The following SEMA3B variants were observed in gnomAD, a reference collection of about 807,000 sequenced individuals.
The protein encoded by SEMA3B is semaphorin 3B.
In SEMA3B, 71 loss-of-function variants were observed where a neutral mutation model predicts 77.8. That is an observed-to-expected ratio of 0.91 (90% CI 0.75 to 1.11). The LOEUF (loss-of-function observed/expected upper bound fraction) is 1.11. Ranked by LOEUF, SEMA3B falls within the 50% of genes most tolerant of loss-of-function variation. The pLI, the probability that SEMA3B is intolerant of heterozygous loss-of-function variation, is 0.00. For missense variants in SEMA3B, 968 were observed against 1,056.8 expected (o/e 0.92, Z 1.17); for synonymous variants, 470 against 452.9 (o/e 1.04, Z -0.48).
Position 50,273,746 on chromosome 3 carries a change from C to T in SEMA3B, c.923-13C>T. The T allele has an allele frequency of 6.2e-7, 1 of 1,604,362 alleles. No homozygotes were observed. On this transcript the variant is annotated splice_polypyrimidine_tract_variant and intron_variant, in intron 8 of 16. Transcript: ENST00000616701. The surrounding 1 kb of genome is among the most constrained non-coding windows in gnomAD (Gnocchi z 6.5). ...GCTGTGCGCCCTACCCCAGCTAGGCCCCTTCCCCGCAGAGGATGTGTTTCT... is the reference window on the plus strand; with the variant it reads ...GCTGTGCGCCCTACCCCAGCTAGGCTCCTTCCCCGCAGAGGATGTGTTTCT...
Position 50,276,041 on chromosome 3 carries a change from AAGG to A in SEMA3B, c.1845+200_1845+202del, listed in dbSNP as rs1408925578. On this transcript the variant is annotated intron_variant, in intron 16 of 16. Coordinates refer to ENST00000616701, the MANE Select transcript of SEMA3B (RefSeq NM_001290060.2). The surrounding 1 kb of genome is among the most constrained non-coding windows in gnomAD (Gnocchi z 5.8). ...GCTCCCGACCCGCCTCCCCTGAATC[AAGG>A]AGAAGACCCGCCCTCGACCCTCCCA... is the stretch of plus-strand genomic sequence containing the variant. 31 of 859,812 alleles carry A rather than the reference AAGG, an allele frequency of 3.6e-5. No homozygotes were observed. The highest frequency in any genetic ancestry group is 4.8e-5 in the Non-Finnish European group (28 of 580,776). The allele number at this position is 859,812 out of a possible 1,614,324, so 53.3% of individuals were successfully genotyped here. A position where few individuals can be genotyped will look rare whatever the true frequency, so the allele number is the denominator to read the frequency against.
chr3:50,266,309 A>G (rs147183345), upstream of SEMA3B, among the ~76,000 whole-genome samples: 798 of 152,252 alleles, frequency 5.2e-3, 8 homozygotes, highest in African/African-American at 0.018. Context: ...GGAAAAGGCC[A>G]CATCCAGGAA....
In SEMA3B at chr3:50,274,245, C is replaced by T; in HGVS notation, c.1138-118C>T. The T allele has an allele frequency of 1.6e-6, 2 of 1,239,924 alleles. No homozygotes were observed. The highest frequency in any genetic ancestry group is 3.0e-5 in the South Asian group (2 of 66,306). The allele number at this position is 1,239,924 out of a possible 1,614,324, so 76.8% of individuals were successfully genotyped here. A position where few individuals can be genotyped will look rare whatever the true frequency, so the allele number is the denominator to read the frequency against. Reference sequence around the variant, plus strand: ...GGCAAGGCTGATCTCCTCTCTAATTCTCAGGGCAGGGTTCTGTCCCCATCC... The same window carrying T: ...GGCAAGGCTGATCTCCTCTCTAATTTTCAGGGCAGGGTTCTGTCCCCATCC... On this transcript the variant is annotated intron_variant, in intron 10 of 16. Transcript: ENST00000616701. The surrounding 1 kb of genome is among the most constrained non-coding windows in gnomAD (Gnocchi z 4.7).
In SEMA3B at chr3:50,274,741, C is replaced by T; in HGVS notation, c.1358-102C>T. 1 of 1,446,294 alleles carries T rather than the reference C, an allele frequency of 6.9e-7. No individual in the cohort carries two copies. The highest frequency in any genetic ancestry group is 9.5e-7 in the Non-Finnish European group (1 of 1,054,026). The allele number at this position is 1,446,294 out of a possible 1,614,324, so 89.6% of individuals were successfully genotyped here. A position where few individuals can be genotyped will look rare whatever the true frequency, so the allele number is the denominator to read the frequency against. ...CCACACTCTTCCAGTCCACACTCTTCACAACCCAAACATGCTGAGGGTAGA... is the reference window on the plus strand; with the variant it reads ...CCACACTCTTCCAGTCCACACTCTTTACAACCCAAACATGCTGAGGGTAGA... On this transcript the variant is annotated intron_variant, in intron 11 of 16. Transcript: ENST00000616701. This position sits in a 1 kb window ranked among gnomAD's most constrained non-coding sequence, Gnocchi z 4.7.
At position 50,275,824 on chromosome 3, in the gene SEMA3B, G is replaced by T. The variant is rs1553706555; in HGVS notation, c.1825G>T (p.Gly609Trp). ...ARVEWTFQRA[G>W]VTAHTQVLAE... Reference sequence around the variant, plus strand: ...CGTGGAGTGGACTTTCCAGCGCGCAGGGGTGACAGCCCACACCCAGGTGAG... The same window carrying T: ...CGTGGAGTGGACTTTCCAGCGCGCATGGGTGACAGCCCACACCCAGGTGAG... The change falls in exon 16 of 17, where the codon GGG becomes TGG. Residue 609 changes from glycine to tryptophan, a missense_variant. By Grantham distance (184) the Gly-to-Trp change is radical (BLOSUM62 -2). Coordinates refer to ENST00000616701, the MANE Select transcript of SEMA3B (RefSeq NM_001290060.2). The surrounding 1 kb of genome is among the most constrained non-coding windows in gnomAD (Gnocchi z 7.5). 1.9e-6 allele frequency: 3 copies of T among 1,607,060 alleles called. No homozygotes were observed. The highest frequency in any genetic ancestry group is 2.5e-6 in the Non-Finnish European group (3 of 1,178,600).
At chr3:50,265,160 G>C (rs1361964749), upstream of SEMA3B, among the ~76,000 whole-genome samples, 1 of 152,190 alleles carries the variant, frequency 6.6e-6, no homozygotes, top group Non-Finnish European at 1.5e-5. Flanking sequence ...CCCTGGGGCA[G>C]GGCCTTAGAG....
intron 6 of SEMA3B, among the ~76,000 whole-genome samples, chr3:50,272,298 G>A (rs1575469400): frequency 1.3e-5 from 2 of 152,236 alleles, no homozygotes; most frequent in South Asian, 4.1e-4. Context: ...TGGGCTGGTG[G>A]GCACAGTGGC....
rs781874311 is a variant in SEMA3B at position 50,273,680 on chromosome 3, G to C, written c.922+34G>C. 1.2e-6 allele frequency: 2 copies of C among 1,603,628 alleles called. No homozygotes were observed. The highest frequency in any genetic ancestry group is 2.2e-5 in the East Asian group (1 of 44,762). On this transcript the variant is annotated intron_variant, in intron 8 of 16. Coordinates refer to ENST00000616701, the MANE Select transcript of SEMA3B (RefSeq NM_001290060.2). The surrounding 1 kb of genome is among the most constrained non-coding windows in gnomAD (Gnocchi z 6.5). The stretch of plus-strand genomic sequence containing the variant: ...GGGAGTGGGTATGGGGTTGGGGAGG[G>C]GGGCAGCGGCGCAGACTCCGGGAGC...
chr3:50,269,437 GC>G lies in SEMA3B; in HGVS notation c.109+92del. 1 of 784,092 alleles carries G rather than the reference GC, an allele frequency of 1.3e-6. No individual in the cohort carries two copies. Among genetic ancestry groups the G allele is most frequent in the Non-Finnish European group, 2.0e-6 (1 of 507,746 alleles). 48.6% of individuals were successfully genotyped at this position (784,092 alleles called of 1,614,324 possible). ...GCCAGGGGGCTCTGTGTTGGCTGTT[GC>G]CCCATGTGCGTGCCTGTCACCAGAC... On this transcript the variant is annotated intron_variant, in intron 1 of 16. Coordinates refer to ENST00000616701, the MANE Select transcript of SEMA3B (RefSeq NM_001290060.2). This position sits in a 1 kb window ranked among gnomAD's most constrained non-coding sequence, Gnocchi z 4.0.
upstream of SEMA3B, chr3:50,268,886 T>G: frequency 7.0e-5 from 19 of 272,682 alleles, no homozygotes; most frequent in East Asian, 2.1e-4. Context: ...GGGTGGCACA[T>G]TGTGAATTAA....
Position 50,274,555 on chromosome 3 carries a change from C to A in SEMA3B, c.1330C>A (p.His444Asn), listed in dbSNP as rs143602808. ...AADRVAAADGHYDVLFIGTDV... is the reference protein window; with the variant it reads ...AADRVAAADGNYDVLFIGTDV... ...GGACCGGGTTGCAGCCGCTGACGGA[C>A]ACTATGACGTCCTCTTCATTGGCAC... Residue 444 changes from histidine (H) to asparagine (N), a missense_variant, in exon 11 of 17, where the codon CAC becomes AAC. Transcript: ENST00000616701. The surrounding 1 kb of genome is among the most constrained non-coding windows in gnomAD (Gnocchi z 4.7). 3.0e-3 allele frequency: 4,663 copies of A among 1,553,022 alleles called. 13 individuals carry two copies. Among genetic ancestry groups the A allele is most frequent in the Non-Finnish European group, 3.7e-3 (4,282 of 1,150,532 alleles).
chr3:50,262,172 G>T, the SEMA3B span: 1 of 152,266 alleles, frequency 6.6e-6, no homozygotes, highest in East Asian at 1.9e-4. Context: ...ACGGGTGCCT[G>T]TAATCCCAGC....
upstream of SEMA3B, among the ~76,000 whole-genome samples, chr3:50,265,288 TGTGACGTTG>T (rs1431505334): frequency 2.0e-5 from 3 of 152,162 alleles, no homozygotes; most frequent in African/African-American, 7.2e-5. Context: ...AAGGAAGAGT[TGTGACGTTG>T]GAGCCACAAG....
rs1701164617 is a variant in SEMA3B, at chr3:50,274,570, T to C, written c.1345T>C (p.Phe449Leu). ...CGCTGACGGACACTATGACGTCCTC[T>C]TCATTGGCACAGGTCAGGGTCCCTC... ...AAADGHYDVLFIGTDVGTVLK... is the reference protein window; with the variant it reads ...AAADGHYDVLLIGTDVGTVLK... The change falls in exon 11 of 17, where the codon TTC becomes CTC. Residue 449 changes from phenylalanine (F) to leucine (L), a missense_variant. By Grantham distance (22) the Phe-to-Leu change is conservative (BLOSUM62 0). Coordinates refer to ENST00000616701, the MANE Select transcript of SEMA3B (RefSeq NM_001290060.2). This position sits in a 1 kb window ranked among gnomAD's most constrained non-coding sequence, Gnocchi z 4.7. The C allele has an allele frequency of 5.2e-6, 8 of 1,538,446 alleles. No individual in the cohort carries two copies. The South Asian group carries it at 1.0e-4, about 20-fold the overall frequency.
chr3:50,275,780 C>T lies in SEMA3B; in HGVS notation c.1781C>T (p.Pro594Leu). Residue 594 changes from proline to leucine, a missense_variant, in exon 16 of 17, where the codon CCC becomes CTC. Coordinates refer to ENST00000616701, the MANE Select transcript of SEMA3B (RefSeq NM_001290060.2). This position sits in a 1 kb window ranked among gnomAD's most constrained non-coding sequence, Gnocchi z 7.5. ...EGSSAFLECEPRSLQARVEWT... is the reference protein window; with the variant it reads ...EGSSAFLECELRSLQARVEWT... ...AGCAGCGCCTTTCTGGAGTGTGAGC[C>T]CCGCTCGCTGCAGGCGCGCGTGGAG... 1 of 1,612,720 alleles carries T rather than the reference C, an allele frequency of 6.2e-7. No homozygotes were observed. The highest frequency in any genetic ancestry group is 8.5e-7 in the Non-Finnish European group (1 of 1,179,814).
At position 50,276,714 on chromosome 3, in the gene SEMA3B, G is replaced by A; in HGVS notation, c.*8G>A. On this transcript the variant is annotated 3_prime_UTR_variant, in exon 17 of 17. Coordinates refer to ENST00000616701, the MANE Select transcript of SEMA3B (RefSeq NM_001290060.2). This position sits in a 1 kb window ranked among gnomAD's most constrained non-coding sequence, Gnocchi z 5.8. The stretch of plus-strand genomic sequence containing the variant: ...AGCGCAACGCACTGGTGACCAGACT[G>A]TCCCCACGCCGGGAACCAAGCAGGA... 1 of 1,490,758 alleles carries A rather than the reference G, an allele frequency of 6.7e-7. No individual in the cohort carries two copies. Among genetic ancestry groups the A allele is most frequent in the South Asian group, 1.3e-5 (1 of 74,522 alleles). The allele number at this position is 1,490,758 out of a possible 1,614,324, so 92.3% of individuals were successfully genotyped here.
chr3:50,276,086 C>G lies in SEMA3B; in HGVS notation c.1846-216C>G, dbSNP rs1369453774. On this transcript the variant is annotated intron_variant, in intron 16 of 16. Coordinates refer to ENST00000616701, the MANE Select transcript of SEMA3B (RefSeq NM_001290060.2). The surrounding 1 kb of genome is among the most constrained non-coding windows in gnomAD (Gnocchi z 5.8). ...ACCCTCCCATTAAGGTCCCTGACCA[C>G]CCCCCACCAAGTTCATGTAAACCCC... The G allele has an allele frequency of 1.2e-5, 9 of 768,900 alleles. No individual in the cohort carries two copies. The African/African-American group carries it at 1.6e-4, about 14-fold the overall frequency. 47.6% of individuals were successfully genotyped at this position (768,900 alleles called of 1,614,324 possible).
In SEMA3B at chr3:50,271,132, G is replaced by A. The variant is rs781821001; in HGVS notation, c.495G>A (p.Lys165=). The change falls in exon 5 of 17, where the codon AAG becomes AAA. Residue 165 remains lysine, a synonymous_variant. Coordinates refer to ENST00000616701, the MANE Select transcript of SEMA3B (RefSeq NM_001290060.2). The part of the protein sequence containing the change: ...RLDPGRIEDG[K]GKSPYDPRHR... ...ACCCAGGAAGGATAGAGGATGGCAA[G>A]GGGAAGAGTCCTTATGACCCCAGGC... 1.3e-6 allele frequency: 2 copies of A among 1,585,730 alleles called. No homozygotes were observed. Among genetic ancestry groups the A allele is most frequent in the African/African-American group, 2.7e-5 (2 of 74,460 alleles).
At position 50,275,886 on chromosome 3, in the gene SEMA3B, C is replaced by T. The variant is rs1553706588; in HGVS notation, c.1845+42C>T. The T allele has an allele frequency of 1.9e-6, 3 of 1,545,824 alleles. No individual in the cohort carries two copies. The highest frequency in any genetic ancestry group is 1.2e-5 in the South Asian group (1 of 82,542). ...CCTCCCCGCCAGGCTCCTGTCCCAC[C>T]CCCTGCATCCAGGAGAGGCCCCGCC... On this transcript the variant is annotated intron_variant, in intron 16 of 16. Transcript: ENST00000616701. This position sits in a 1 kb window ranked among gnomAD's most constrained non-coding sequence, Gnocchi z 7.5.
Sources: gnomAD v4.1 joint callset for allele counts (sites outside exome capture counted in the v4.1 genomes callset) on GRCh38, gnomAD v4.1.1 for gene constraint, Gnocchi (gnomAD v3.1) non-coding constraint, MANE v1.5 for transcripts, NCBI Gene and HGNC (gene_info 2026-07-23, HGNC 2026-07-21) for gene names.